Variants in TAF3 observed in about 807,000 individuals in gnomAD.
TAF3 encodes transcription initiation factor TFIID subunit 3.
A neutral mutation model predicts 80.6 loss-of-function variants in TAF3; 7 were observed. The observed-to-expected ratio is 0.09, with a 90% CI of 0.05 to 0.16. The LOEUF is 0.16. TAF3 is among the 10% of genes least tolerant of loss of function. The probability of loss-of-function intolerance (pLI) is 1.00; values close to 1 mark genes in which losing one functional copy is unlikely to be tolerated. For missense variants in TAF3, 921 were observed against 1,140.2 expected (o/e 0.81, Z 2.77); for synonymous variants, 444 against 446.1 (o/e 1.00, Z 0.06).
At chr10:7,917,472 G>A (rs1202472409) in intron 2 of TAF3, among the ~76,000 whole-genome samples, 1 of 152,220 alleles carries the variant, frequency 6.6e-6, no homozygotes, top group African/African-American at 2.4e-5. Context: ...TGGAACGGCC[G>A]ATGGATTTGA....
At chr10:7,920,383 T>C (rs1182362169) in intron 2 of TAF3, among the ~76,000 whole-genome samples, 1 of 151,606 alleles carries the variant, frequency 6.6e-6, no homozygotes, top group East Asian at 1.9e-4. Flanking sequence ...TTTTTTCCCC[T>C]ACTAGATGAA....
chr10:7,831,697 T>C (rs1238348235), intron 2 of TAF3, among the ~76,000 whole-genome samples: 1 of 152,116 alleles, frequency 6.6e-6, no homozygotes, highest in Non-Finnish European at 1.5e-5. Flanking sequence ...CTTTGGCCAG[T>C]GGCAGCTTCT....
chr10:7,960,183 T>C (rs575061914), intron 2 of TAF3, among the ~76,000 whole-genome samples: 1 of 152,378 alleles, frequency 6.6e-6, no homozygotes, highest in African/African-American at 2.4e-5. Context: ...AAATGTAATA[T>C]TAATAAGTGA....
intron 4 of TAF3, among the ~76,000 whole-genome samples, chr10:7,999,564 C>T (rs1460379346): frequency 6.7e-6 from 1 of 150,032 alleles, no homozygotes; most frequent in Non-Finnish European, 1.5e-5. Context: ...TCAAGCAGTT[C>T]TCCCGCCCCA....
chr10:7,989,523 G>A (rs1197714545), intron 4 of TAF3, among the ~76,000 whole-genome samples: 1 of 152,152 alleles, frequency 6.6e-6, no homozygotes, highest in Non-Finnish European at 1.5e-5. Context: ...TATGAAATAC[G>A]TTTTTAAGTA....
intron 2 of TAF3, among the ~76,000 whole-genome samples, chr10:7,842,383 C>T (rs1836927881): frequency 6.6e-6 from 1 of 151,986 alleles, no homozygotes; most frequent in African/African-American, 2.4e-5. Flanking sequence ...TGGTCTTGAA[C>T]TGCAAGGCTC....
intron 2 of TAF3, among the ~76,000 whole-genome samples, chr10:7,912,348 C>T (rs560189933): frequency 5.9e-5 from 9 of 152,004 alleles, no homozygotes; most frequent in Admixed American, 2.0e-4. Context: ...GATCATTCTG[C>T]GTTGGCCCCG....
chr10:8,007,804 G>A (rs531053), intron 4 of TAF3, among the ~76,000 whole-genome samples: 3 of 151,556 alleles, frequency 2.0e-5, no homozygotes, highest in Non-Finnish European at 4.4e-5. Flanking sequence ...AAAGTGCCTA[G>A]TATAACCTCT....
intron 2 of TAF3, among the ~76,000 whole-genome samples, chr10:7,917,059 C>T (rs1837717961): frequency 6.6e-6 from 1 of 152,208 alleles, no homozygotes; most frequent in African/African-American, 2.4e-5. Flanking sequence ...TTGAGAACAT[C>T]TCTGTGCTCA....
chr10:7,984,744 T>G (rs1831760595), intron 4 of TAF3, among the ~76,000 whole-genome samples: 1 of 152,320 alleles, frequency 6.6e-6, no homozygotes, highest in South Asian at 2.1e-4. Flanking sequence ...GTACTTAAGA[T>G]TCATTATCTA....
At chr10:7,991,429 T>A (rs1372731786) in intron 4 of TAF3, among the ~76,000 whole-genome samples, 1 of 152,216 alleles carries the variant, frequency 6.6e-6, no homozygotes, top group Non-Finnish European at 1.5e-5. Context: ...TCATCTTATA[T>A]TTTACAGTTA....
At chr10:7,854,528 TG>T (rs542853295) in intron 2 of TAF3, among the ~76,000 whole-genome samples, 142 of 152,156 alleles carry the variant, frequency 9.3e-4, no homozygotes, top group African/African-American at 3.4e-3. Flanking sequence ...GGATTCAGAA[TG>T]GGGAAAGACT....
chr10:7,964,241 C>G lies in TAF3; in HGVS notation c.731C>G (p.Pro244Arg). ...QDSTDLAPPS[P>R]EPPMLAPVAK... ...AGTACAGACTTGGCACCTCCCTCAC[C>G]CGAGCCGCCAATGTTGGCTCCAGTT... Residue 244 changes from proline to arginine, a missense_variant, in exon 3 of 7, where the codon CCC becomes CGC. Physicochemically the swap from Pro to Arg is moderately radical, Grantham distance 103. This residue lies in a region of TAF3 where 743 missense variants were observed against 821.0 expected (regional missense o/e 0.90). Coordinates refer to ENST00000344293, the MANE Select transcript of TAF3 (RefSeq NM_031923.4). This position sits in a 1 kb window ranked among gnomAD's most constrained non-coding sequence, Gnocchi z 4.1. The G allele has an allele frequency of 1.9e-6, 3 of 1,614,184 alleles. No homozygotes were observed. The highest frequency in any genetic ancestry group is 2.5e-6 in the Non-Finnish European group (3 of 1,180,034).
intron 2 of TAF3, among the ~76,000 whole-genome samples, chr10:7,897,732 T>C (rs1264094591): frequency 2.0e-5 from 3 of 151,140 alleles, no homozygotes; most frequent in South Asian, 2.1e-4. Flanking sequence ...CAAACACAGC[T>C]CACTACAGTC....
chr10:7,894,005 A>C lies in TAF3; in HGVS notation c.409+69445A>C, dbSNP rs542802815. ...GCAGAGTAGGTACAAAACTCAAGTT[A>C]CTCCAGCTGTAGTCTTCTACCCTGT... On this transcript the variant is annotated intron_variant, in intron 2 of 6. Coordinates refer to ENST00000344293, the MANE Select transcript of TAF3 (RefSeq NM_031923.4). Among the ~76,000 whole-genome samples, 3 of 152,244 alleles carry C rather than the reference A, an allele frequency of 2.0e-5. No individual in the cohort carries two copies. In the East Asian group the frequency reaches 5.8e-4, roughly 29 times the overall value.
chr10:7,862,256 T>C, intron 2 of TAF3, among the ~76,000 whole-genome samples: 1 of 152,234 alleles, frequency 6.6e-6, no homozygotes, highest in Non-Finnish European at 1.5e-5. Flanking sequence ...CTCTTCAGTA[T>C]GGATCAAAGT....
chr10:7,828,038 G>A (rs1466272856), intron 2 of TAF3, among the ~76,000 whole-genome samples: 2 of 152,092 alleles, frequency 1.3e-5, no homozygotes, highest in Non-Finnish European at 2.9e-5. Context: ...CTTTTGAATT[G>A]AAATACAATA....
At chr10:7,892,246 A>G (rs1236734192) in intron 2 of TAF3, among the ~76,000 whole-genome samples, 1 of 152,214 alleles carries the variant, frequency 6.6e-6, no homozygotes, top group East Asian at 1.9e-4. Flanking sequence ...AGATTATTGA[A>G]CTAACTGAAA....
At chr10:7,927,051 G>A (rs1399182) in intron 2 of TAF3, among the ~76,000 whole-genome samples, 82,063 of 151,958 alleles carry the variant, frequency 0.54, 23,407 homozygotes, top group East Asian at 0.7. Context: ...GATCATGACA[G>A]TGGGATAACT....
Sources: allele counts gnomAD v4.1 joint callset (sites outside exome capture counted in the v4.1 genomes callset), GRCh38; gene constraint gnomAD v4.1.1; regional missense constraint gnomAD v4.1.1; non-coding constraint Gnocchi (gnomAD v3.1); transcripts MANE v1.5; gene names NCBI Gene and HGNC (gene_info 2026-07-23, HGNC 2026-07-21).